PPP4R1: variants seen among roughly 807,000 people sequenced by gnomAD.
The protein encoded by PPP4R1 is protein phosphatase 4 regulatory subunit 1, also known as serine/threonine-protein phosphatase 4 regulatory subunit 1.
A neutral mutation model predicts 111.2 loss-of-function variants in PPP4R1; 42 were observed. That is an observed-to-expected ratio of 0.38 (90% CI 0.29 to 0.49). The LOEUF (loss-of-function observed/expected upper bound fraction) is 0.49. PPP4R1 is among the 20% of genes least tolerant of loss of function. The pLI, the probability that PPP4R1 is intolerant of heterozygous loss-of-function variation, is 0.97. For missense variants in PPP4R1, 1,012 were observed against 1,161.6 expected, an observed-to-expected ratio of 0.87 and a Z score of 1.87; for synonymous variants, 409 against 405.5, an observed-to-expected ratio of 1.01 and a Z score of -0.10.
chr18:9,586,124 TTTTA>T (rs1180741943), intron 6 of PPP4R1, among the ~76,000 whole-genome samples: 2 of 151,898 alleles, frequency 1.3e-5, no homozygotes. Context: ...AATGAATTAT[TTTTA>T]TTAAGAAATT....
chr18:9,573,560 C>T (rs553026906), intron 10 of PPP4R1, among the ~76,000 whole-genome samples: 8 of 152,076 alleles, frequency 5.3e-5, no homozygotes, highest in Non-Finnish European at 1.2e-4. Flanking sequence ...TGTAAGACCT[C>T]GTATGTACTA....
At chr18:9,585,709 T>A (rs2067104459) in intron 6 of PPP4R1, among the ~76,000 whole-genome samples, 2 of 152,164 alleles carry the variant, frequency 1.3e-5, no homozygotes, top group African/African-American at 2.4e-5. Context: ...TAAATTAGAA[T>A]ATAAAAATCT....
chr18:9,575,639 A>G (rs1241380899), intron 10 of PPP4R1, among the ~76,000 whole-genome samples: 1 of 152,180 alleles, frequency 6.6e-6, no homozygotes, highest in African/African-American at 2.4e-5. Flanking sequence ...TTAAATAGCT[A>G]TTGCAGTAAT....
In PPP4R1 at chr18:9,588,213, G is replaced by C; in HGVS notation, c.461C>G (p.Ala154Gly). The C allele has an allele frequency of 6.2e-7, 1 of 1,614,000 alleles. No individual in the cohort carries two copies. The highest frequency in any genetic ancestry group is 8.5e-7 in the Non-Finnish European group (1 of 1,179,944). The change falls in exon 6 of 20, where the codon GCT (alanine) becomes GGT (glycine). Residue 154 changes from alanine (A) to glycine (G), a missense_variant. Transcript: ENST00000400556. ...NNQVRKTSQA[A>G]LLALLEQELI... Reference sequence around the variant, plus strand: ...CTCCTGCTCCAACAGAGCCAGCAAAGCTGCCTGACTTGTTTTCCTCACCTA... The same window carrying C: ...CTCCTGCTCCAACAGAGCCAGCAAACCTGCCTGACTTGTTTTCCTCACCTA...
Position 9,614,364 on chromosome 18 carries a change from C to A in PPP4R1, c.8-94G>T. 9.7e-7 allele frequency: 1 copy of A among 1,031,646 alleles called. No homozygotes were observed. Among genetic ancestry groups the A allele is most frequent in the Non-Finnish European group, 1.2e-6 (1 of 851,922 alleles). The allele number at this position is 1,031,646 out of a possible 1,614,324, so 63.9% of individuals were successfully genotyped here. On this transcript the variant is annotated intron_variant, in intron 1 of 19. Transcript: ENST00000400556. The surrounding 1 kb of genome is among the most constrained non-coding windows in gnomAD (Gnocchi z 4.1). ...CCGCCTCCCCCCCGCCCCGGGGGCGCCTTCCCGCGCCGGGACCCCACGCCG... is the reference window on the plus strand; with the variant it reads ...CCGCCTCCCCCCCGCCCCGGGGGCGACTTCCCGCGCCGGGACCCCACGCCG...
chr18:9,558,715 A>T (rs866008470), intron 14 of PPP4R1, among the ~76,000 whole-genome samples: 216 of 119,610 alleles, frequency 1.8e-3, no homozygotes, highest in African/African-American at 6.2e-3. Flanking sequence ...TTTTTTTTTT[A>T]AATAACTGAG....
At chr18:9,597,019 G>C (rs2067300710) in intron 2 of PPP4R1, among the ~76,000 whole-genome samples, 1 of 152,168 alleles carries the variant, frequency 6.6e-6, no homozygotes. Flanking sequence ...TGTAGTCCCA[G>C]CTACTTAGGA....
intron 8 of PPP4R1, among the ~76,000 whole-genome samples, chr18:9,583,773 TA>T (rs2067070860): frequency 1.3e-5 from 2 of 151,878 alleles, no homozygotes; most frequent in South Asian, 2.1e-4. Flanking sequence ...CCTAAAAGTA[TA>T]AAAAATAATG....
Position 9,547,735 on chromosome 18 carries a change from C to T in PPP4R1, c.*54G>A. 1 of 1,594,602 alleles carries T rather than the reference C, an allele frequency of 6.3e-7. No individual in the cohort carries two copies. Among genetic ancestry groups the T allele is most frequent in the Non-Finnish European group, 8.6e-7 (1 of 1,165,318 alleles). ...TCCCAGGTCACATGCGTGGCGAATG[C>T]CCACTGAACCTCGGCTCTCATGGAA... On this transcript the variant is annotated 3_prime_UTR_variant, in exon 20 of 20. Coordinates refer to ENST00000400556, the MANE Select transcript of PPP4R1 (RefSeq NM_001042388.3).
intron 9 of PPP4R1, among the ~76,000 whole-genome samples, chr18:9,578,464 C>T (rs930179500): frequency 1.3e-5 from 2 of 151,634 alleles, no homozygotes; most frequent in African/African-American, 4.8e-5. Context: ...GTCTTGAACT[C>T]CTAGCCTCAA....
At chr18:9,588,352 C>A in intron 5 of PPP4R1, 117 bp from the exon 6 acceptor site, 1 of 1,079,260 alleles carries the variant, frequency 9.3e-7, no homozygotes, top group Non-Finnish European at 1.3e-6. Flanking sequence ...GGCAAAACTC[C>A]GCAAATAAAT....
intron 2 of PPP4R1, among the ~76,000 whole-genome samples, chr18:9,603,780 T>C (rs1432458947): frequency 6.6e-6 from 1 of 152,166 alleles, no homozygotes; most frequent in Non-Finnish European, 1.5e-5. Flanking sequence ...CCACCTTGCC[T>C]GACATAAAAT....
At chr18:9,574,702 T>C (rs1315537073) in intron 10 of PPP4R1, among the ~76,000 whole-genome samples, 2 of 152,176 alleles carry the variant, frequency 1.3e-5, no homozygotes, top group East Asian at 1.9e-4. Flanking sequence ...TGCCAATATG[T>C]AGCCAAAAGG....
Position 9,614,436 on chromosome 18 carries a change from C to T in PPP4R1, c.7+42G>A, listed in dbSNP as rs2067652742. On this transcript the variant is annotated intron_variant, in intron 1 of 19. Coordinates refer to ENST00000400556, the MANE Select transcript of PPP4R1 (RefSeq NM_001042388.3). The surrounding 1 kb of genome is among the most constrained non-coding windows in gnomAD (Gnocchi z 4.1). ...AGGGCTGCGGCGGAGGGCGGGTGGG[C>T]TCGAGGAGCCGCCGCCGCCCGGAGA... The T allele has an allele frequency of 2.0e-6, 2 of 1,014,388 alleles. No homozygotes were observed. The highest frequency in any genetic ancestry group is 6.0e-5 in the Admixed American group (1 of 16,656). 62.8% of individuals were successfully genotyped at this position (1,014,388 alleles called of 1,614,324 possible).
intron 9 of PPP4R1, among the ~76,000 whole-genome samples, chr18:9,579,337 A>G (rs2066988057): frequency 6.6e-6 from 1 of 152,244 alleles, no homozygotes; most frequent in South Asian, 2.1e-4. Context: ...TAAAAAACCC[A>G]CAAGTCACTC....
Position 9,588,867 on chromosome 18 carries a change from G to GA in PPP4R1, c.296-15_296-14insT. 6.2e-7 allele frequency: 1 copy of GA among 1,610,220 alleles called. No individual in the cohort carries two copies. Among genetic ancestry groups the GA allele is most frequent in the Non-Finnish European group, 8.5e-7 (1 of 1,178,672 alleles). On this transcript the variant is annotated splice_polypyrimidine_tract_variant and intron_variant, in intron 4 of 19. Coordinates refer to ENST00000400556, the MANE Select transcript of PPP4R1 (RefSeq NM_001042388.3). ...TCACAGTTGGTTCTATTGAAATAACGGCAATGTGAGCAAACATGTTCTCCT... is the reference window on the plus strand; with the variant it reads ...TCACAGTTGGTTCTATTGAAATAACGAGCAATGTGAGCAAACATGTTCTCCT...
chr18:9,591,412 T>C (rs2067210063), intron 4 of PPP4R1, among the ~76,000 whole-genome samples: 1 of 151,212 alleles, frequency 6.6e-6, no homozygotes, highest in Admixed American at 6.6e-5. Context: ...CACTGGTTAC[T>C]GAGGAAATGC....
At position 9,590,103 on chromosome 18, in the gene PPP4R1, T is replaced by C. The variant is rs1043242503; in HGVS notation, c.296-1250A>G. ...GTGACTGAAATACAGACAGACATGATGGATTATCAGTAACAAGTCATTGTA... is the reference window on the plus strand; with the variant it reads ...GTGACTGAAATACAGACAGACATGACGGATTATCAGTAACAAGTCATTGTA... On this transcript the variant is annotated intron_variant, in intron 4 of 19. Coordinates refer to ENST00000400556, the MANE Select transcript of PPP4R1 (RefSeq NM_001042388.3). 3 of 152,180 alleles carry C rather than the reference T, an allele frequency of 2.0e-5. 1 individual carries two copies. The highest frequency in any genetic ancestry group is 4.1e-4 in the South Asian group (2 of 4,830). 9.4% of individuals were successfully genotyped at this position (152,180 alleles called of 1,614,324 possible).
intron 9 of PPP4R1, among the ~76,000 whole-genome samples, chr18:9,582,663 C>T (rs760211417): frequency 5.3e-5 from 8 of 152,170 alleles, no homozygotes; most frequent in African/African-American, 1.2e-4. Context: ...GGAACATTTC[C>T]TAACTCATTT....
Sources: allele counts gnomAD v4.1 joint callset (sites outside exome capture counted in the v4.1 genomes callset), GRCh38; gene constraint gnomAD v4.1.1; non-coding constraint Gnocchi (gnomAD v3.1); transcripts MANE v1.5; gene names NCBI Gene and HGNC (gene_info 2026-07-23, HGNC 2026-07-21).